XYLB: variants seen among roughly 807,000 people sequenced by gnomAD.
XYLB encodes xylulose kinase.
In XYLB, 62 loss-of-function variants were observed where a neutral mutation model predicts 78.7. The ratio of observed to expected loss-of-function variants is 0.79; its 90% CI spans 0.64 to 0.97. The LOEUF is 0.97. XYLB is among the 50% of genes least tolerant of loss of function. The pLI, the probability that XYLB is intolerant of heterozygous loss-of-function variation, is 0.00. For missense variants in XYLB, 687 were observed against 676.8 expected, an observed-to-expected ratio of 1.02 and a Z score of -0.17; for synonymous variants, 245 against 247.4, an observed-to-expected ratio of 0.99 and a Z score of 0.09.
intron 18 of XYLB, among the ~76,000 whole-genome samples, chr3:38,410,273 A>G (rs1344507408): frequency 3.3e-5 from 5 of 152,240 alleles, no homozygotes; most frequent in Admixed American, 6.5e-5. Flanking sequence ...GAGAAAAACA[A>G]GAAATGGGGA....
intron 15 of XYLB, among the ~76,000 whole-genome samples, chr3:38,381,159 G>T (rs1559597746): frequency 6.6e-6 from 1 of 152,208 alleles, no homozygotes; most frequent in Non-Finnish European, 1.5e-5. Context: ...AATGTGGATT[G>T]TGAAGATTTC....
At chr3:38,376,631 A>G (rs952666992) in intron 13 of XYLB, among the ~76,000 whole-genome samples, 1 of 152,198 alleles carries the variant, frequency 6.6e-6, no homozygotes, top group African/African-American at 2.4e-5. Flanking sequence ...CCCTTGGTCA[A>G]ACCTGTTTTG....
At chr3:38,347,356 G>A (rs1705124702) in intron 1 of XYLB, among the ~76,000 whole-genome samples, 1 of 152,246 alleles carries the variant, frequency 6.6e-6, no homozygotes, top group South Asian at 2.1e-4. Flanking sequence ...TGACCTGGAA[G>A]CAGATTATAG....
chr3:38,412,878 A>G, intron 18 of XYLB, 58 bp from the exon 19 acceptor site: 4 of 1,460,744 alleles, frequency 2.7e-6, no homozygotes, highest in Non-Finnish European at 3.7e-6. Context: ...GCAAAGTGCA[A>G]CCAGATGTAA....
intron 11 of XYLB, 130 bp downstream of exon 11, chr3:38,374,632 G>A: frequency 8.8e-7 from 1 of 1,131,564 alleles, no homozygotes; most frequent in East Asian, 2.5e-5. Flanking sequence ...CAGGATCTCT[G>A]CTACTTATCA....
intron 10 of XYLB, among the ~76,000 whole-genome samples, chr3:38,373,787 A>G (rs935644768): frequency 6.6e-6 from 1 of 152,176 alleles, no homozygotes; most frequent in African/African-American, 2.4e-5. Context: ...TTCACTCAGC[A>G]TTTAGTGAGT....
intron 18 of XYLB, among the ~76,000 whole-genome samples, chr3:38,410,288 A>T (rs1421512732): frequency 6.6e-6 from 1 of 152,256 alleles, no homozygotes; most frequent in South Asian, 2.1e-4. Context: ...TGGGGAAAGG[A>T]TTCCCTATTT....
the XYLB span, among the ~76,000 whole-genome samples, chr3:38,442,720 A>AT: frequency 0.48 from 47,372 of 99,116 alleles, 11,123 homozygotes; most frequent in African/African-American, 0.55. Flanking sequence ...GGACTGCTGC[A>AT]TTTTTTTTTT....
intron 1 of XYLB, among the ~76,000 whole-genome samples, chr3:38,348,242 G>C (rs986104725): frequency 6.6e-6 from 1 of 152,186 alleles, no homozygotes; most frequent in Non-Finnish European, 1.5e-5. Context: ...TCAGGTGCAC[G>C]AACCAACTCA....
At chr3:38,421,306 A>G (rs1433513790), downstream of XYLB, 1 of 152,308 alleles carries the variant, frequency 6.6e-6, no homozygotes, top group Non-Finnish European at 1.5e-5. Flanking sequence ...CGCCAGAGCG[A>G]TGGTTAGAAA....
intron 7 of XYLB, among the ~76,000 whole-genome samples, chr3:38,367,798 C>T (rs998393533): frequency 2.0e-5 from 3 of 152,218 alleles, no homozygotes; most frequent in Admixed American, 2.0e-4. Context: ...TGAGGCCACA[C>T]ATCCACTTCC....
At chr3:38,364,417 C>G (rs1478441646) in intron 4 of XYLB, among the ~76,000 whole-genome samples, 1 of 151,964 alleles carries the variant, frequency 6.6e-6, no homozygotes, top group African/African-American at 2.4e-5. Context: ...CACGCTGCTC[C>G]CCCTGGTAAT....
chr3:38,348,834 G>T (rs1398256401), intron 2 of XYLB, among the ~76,000 whole-genome samples: 2 of 152,186 alleles, frequency 1.3e-5, no homozygotes, highest in Non-Finnish European at 2.9e-5. Context: ...ATCCATTCAT[G>T]AAGTAAGCAT....
chr3:38,373,606 C>G (rs1388432933), intron 10 of XYLB, among the ~76,000 whole-genome samples: 9 of 152,068 alleles, frequency 5.9e-5, no homozygotes. Context: ...GCAGTGCAGA[C>G]GATGTTGAGA....
chr3:38,452,043 T>C, the XYLB span: 2 of 152,154 alleles, frequency 1.3e-5, no homozygotes, highest in African/African-American at 4.8e-5. Flanking sequence ...GAGATAACGA[T>C]TTATACTCCC....
Position 38,375,145 on chromosome 3 carries a change from T to TCAGCCTGGGCACCAGTGA in XYLB, c.893_910dup (p.Ser298_Asp303dup). On this transcript the variant is annotated inframe_insertion and splice_region_variant, in exon 12 of 19. Transcript: ENST00000207870. ...CCACCTCTGCCTATCTCTCCTCAGG[T>TCAGCCTGGGCACCAGTGA]CAGCCTGGGCACCAGTGACACCCTG... 6.2e-7 allele frequency: 1 copy of TCAGCCTGGGCACCAGTGA among 1,613,388 alleles called. No individual in the cohort carries two copies. Among genetic ancestry groups the TCAGCCTGGGCACCAGTGA allele is most frequent in the Non-Finnish European group, 8.5e-7 (1 of 1,179,700 alleles).
chr3:38,444,648 A>C, the XYLB span, among the ~76,000 whole-genome samples: 4 of 152,198 alleles, frequency 2.6e-5, no homozygotes, highest in African/African-American at 9.6e-5. Flanking sequence ...GCCATAGTGC[A>C]GAAAAAAATG....
chr3:38,367,691 T>C (rs918542804), intron 7 of XYLB, among the ~76,000 whole-genome samples: 3 of 152,326 alleles, frequency 2.0e-5, no homozygotes, highest in Middle Eastern at 3.4e-3. Flanking sequence ...TAGGGTGGCA[T>C]TGAAAATCCA....
At chr3:38,452,939 G>A in the XYLB span, 1 of 152,188 alleles carries the variant, frequency 6.6e-6, no homozygotes, top group Non-Finnish European at 1.5e-5. Flanking sequence ...AGAGAAGACA[G>A]AGGACAATTA....
Sources: allele counts gnomAD v4.1 joint callset (sites outside exome capture counted in the v4.1 genomes callset), GRCh38; gene constraint gnomAD v4.1.1; transcripts MANE v1.5; gene names NCBI Gene and HGNC (gene_info 2026-07-23, HGNC 2026-07-21).